Variants in SLC35F4 observed in about 807,000 individuals in gnomAD.
SLC35F4 encodes the protein chromosome 14 open reading frame 36.
A neutral mutation model predicts 44.2 loss-of-function variants in SLC35F4; 24 were observed. The observed-to-expected ratio is 0.54, with a 90% CI of 0.39 to 0.76. SLC35F4 has a LOEUF of 0.76. SLC35F4 is among the 30% of genes least tolerant of loss of function. SLC35F4 has a pLI of 0.00. For synonymous variants in SLC35F4, 238 were observed against 223.6 expected (o/e 1.06, Z -0.57); for missense variants, 562 against 586.1 (o/e 0.96, Z 0.42).
chr14:57,681,817 A>G (rs1436795311), intron 1 of SLC35F4, among the ~76,000 whole-genome samples: 1 of 152,124 alleles, frequency 6.6e-6, no homozygotes, highest in Non-Finnish European at 1.5e-5. Flanking sequence ...AAACAACCCC[A>G]TCAAAAAGTG....
intron 1 of SLC35F4, among the ~76,000 whole-genome samples, chr14:57,784,663 A>G (rs1267706610): frequency 6.6e-6 from 1 of 152,068 alleles, no homozygotes. Flanking sequence ...GGTAACAGAG[A>G]CTCTGTCTCT....
chr14:57,690,348 C>T lies in SLC35F4; in HGVS notation c.104-96224G>A, dbSNP rs531324086. Among the ~76,000 whole-genome samples the T allele has an allele frequency of 2.0e-5, 3 of 152,238 alleles. No homozygotes were observed. In the East Asian group the frequency reaches 5.8e-4, roughly 29 times the overall value. On this transcript the variant is annotated intron_variant, in intron 1 of 7. Transcript: ENST00000556826. The stretch of plus-strand genomic sequence containing the variant: ...ATAGTTAATAAATAAGCAAAAAGAG[C>T]ACTACCTTTGGTGAAGTAGGACAAA...
At chr14:57,956,821 G>C (rs1890246769) in intron 1 of SLC35F4, among the ~76,000 whole-genome samples, 1 of 152,164 alleles carries the variant, frequency 6.6e-6, no homozygotes, top group Admixed American at 6.5e-5. Flanking sequence ...GGAGAAATAG[G>C]AGCACTTTTA....
chr14:57,600,679 A>T (rs11847200), intron 1 of SLC35F4, among the ~76,000 whole-genome samples: 1 of 92,860 alleles, frequency 1.1e-5, no homozygotes, highest in East Asian at 2.6e-4. Context: ...GCGACAGAGC[A>T]AGACTCCATC....
intron 1 of SLC35F4, among the ~76,000 whole-genome samples, chr14:57,949,768 C>A (rs1890102022): frequency 6.6e-6 from 1 of 152,142 alleles, no homozygotes; most frequent in African/African-American, 2.4e-5. Context: ...AAACTTTTAT[C>A]TCTCCTTCAT....
At chr14:57,880,040 GGAAGGAAGGAAGGA>G (rs1888492487) in intron 1 of SLC35F4, among the ~76,000 whole-genome samples, 44 of 2,402 alleles carry the variant, frequency 0.018, no homozygotes, top group African/African-American at 0.057. Flanking sequence ...GAGGGAGGAA[GGAAGGAAGGAAGGA>G]AGGAAGGAAG....
upstream of SLC35F4, among the ~76,000 whole-genome samples, chr14:57,870,417 T>C (rs548504765): frequency 1.3e-5 from 2 of 152,304 alleles, no homozygotes; most frequent in South Asian, 4.1e-4. Context: ...TTTTGAAATC[T>C]CTATGACTCA....
chr14:57,621,772 C>A (rs2072193743), intron 1 of SLC35F4, among the ~76,000 whole-genome samples: 2 of 150,300 alleles, frequency 1.3e-5, no homozygotes, highest in African/African-American at 2.4e-5. Flanking sequence ...GACTTCATGT[C>A]TAAAACACCA....
At chr14:57,783,709 T>G (rs1317830926) in intron 1 of SLC35F4, among the ~76,000 whole-genome samples, 1 of 152,326 alleles carries the variant, frequency 6.6e-6, no homozygotes, top group African/African-American at 2.4e-5. Flanking sequence ...TTTAAAGTCC[T>G]TTTGACATAA....
At chr14:57,597,656 G>A (rs955618425) in intron 1 of SLC35F4, among the ~76,000 whole-genome samples, 1 of 152,164 alleles carries the variant, frequency 6.6e-6, no homozygotes, top group African/African-American at 2.4e-5. Flanking sequence ...TCACATCAAA[G>A]GTGTCTTTGA....
chr14:57,672,622 T>A (rs180871172), intron 1 of SLC35F4, among the ~76,000 whole-genome samples: 2 of 152,206 alleles, frequency 1.3e-5, no homozygotes, highest in Non-Finnish European at 2.9e-5. Context: ...CTTTCTAGTA[T>A]TATATATATT....
chr14:57,751,603 G>GT (rs1169432980), intron 1 of SLC35F4, among the ~76,000 whole-genome samples: 6 of 152,012 alleles, frequency 3.9e-5, no homozygotes, highest in South Asian at 4.2e-4. Context: ...TCTAGACTGT[G>GT]TTTTTTTTAC....
chr14:57,673,225 C>A (rs1220179761), intron 1 of SLC35F4, among the ~76,000 whole-genome samples: 1 of 152,058 alleles, frequency 6.6e-6, no homozygotes, highest in African/African-American at 2.4e-5. Context: ...ATGGTGGTAA[C>A]TGAATAAAAT....
intron 1 of SLC35F4, among the ~76,000 whole-genome samples, chr14:57,842,060 T>C (rs1885542065): frequency 6.6e-6 from 1 of 152,188 alleles, no homozygotes; most frequent in Admixed American, 6.6e-5. Flanking sequence ...CTTCTGTCTA[T>C]AACAGAAATG....
chr14:57,612,308 G>A (rs2071560241), intron 1 of SLC35F4, among the ~76,000 whole-genome samples: 1 of 152,090 alleles, frequency 6.6e-6, no homozygotes, highest in Non-Finnish European at 1.5e-5. Flanking sequence ...AGAGGAGGGA[G>A]CTGTAACTTC....
intron 1 of SLC35F4, among the ~76,000 whole-genome samples, chr14:57,626,736 G>A (rs1364646282): frequency 2.0e-5 from 3 of 152,128 alleles, no homozygotes; most frequent in Non-Finnish European, 4.4e-5. Context: ...TTCACTTGTG[G>A]ATTAGGAAAT....
chr14:57,583,975 T>C (rs2069496446), intron 3 of SLC35F4, among the ~76,000 whole-genome samples: 1 of 152,186 alleles, frequency 6.6e-6, no homozygotes, highest in South Asian at 2.1e-4. Context: ...ATAATTTAGT[T>C]ATGCTTATTA....
At chr14:57,815,493 C>G (rs957665843) in intron 1 of SLC35F4, among the ~76,000 whole-genome samples, 2 of 152,004 alleles carry the variant, frequency 1.3e-5, no homozygotes, top group African/African-American at 4.8e-5. Flanking sequence ...TTTACCTGTC[C>G]CCTTAACTTC....
At chr14:57,760,472 A>C (rs2077098406) in intron 1 of SLC35F4, among the ~76,000 whole-genome samples, 1 of 152,172 alleles carries the variant, frequency 6.6e-6, no homozygotes, top group Non-Finnish European at 1.5e-5. Context: ...TGAGGCCTCC[A>C]GCTTTGTTCT....
Sources: gnomAD v4.1 joint callset for allele counts (sites outside exome capture counted in the v4.1 genomes callset) on GRCh38, gnomAD v4.1.1 for gene constraint, MANE v1.5 for transcripts, NCBI Gene and HGNC (gene_info 2026-07-23, HGNC 2026-07-21) for gene names.